LYN: variants seen among roughly 807,000 people sequenced by gnomAD.
LYN encodes tyrosine-protein kinase Lyn.
LYN carries 12 observed loss-of-function variants against 65.0 expected under a neutral mutation model. That is an observed-to-expected ratio of 0.18 (90% CI 0.12 to 0.30). The LOEUF (loss-of-function observed/expected upper bound fraction) is 0.30. Among genes scored for constraint, LYN ranks in the 10% least tolerant of loss-of-function variants. LYN has a pLI of 1.00. For missense variants in LYN, 380 were observed against 623.2 expected, an observed-to-expected ratio of 0.61 and a Z score of 4.16; for synonymous variants, 222 against 221.2, an observed-to-expected ratio of 1.00 and a Z score of -0.03.
chr8:55,988,291 G>GGTGTGTGTGTGTGTGT (rs57413136), intron 10 of LYN, among the ~76,000 whole-genome samples: 80 of 142,184 alleles, frequency 5.6e-4, no homozygotes, highest in Middle Eastern at 3.6e-3. Flanking sequence ...CAAACTCCCT[G>GGTGTGTGTGTGTGTGT]GTGTGTGTGT....
At chr8:55,908,240 T>C (rs1360860034) in intron 1 of LYN, among the ~76,000 whole-genome samples, 1 of 151,032 alleles carries the variant, frequency 6.6e-6, no homozygotes, top group Non-Finnish European at 1.5e-5. Context: ...TATTTATTTA[T>C]TTATTTATTT....
chr8:55,899,294 A>G (rs1192222994), intron 1 of LYN, among the ~76,000 whole-genome samples: 1 of 152,184 alleles, frequency 6.6e-6, no homozygotes, highest in Non-Finnish European at 1.5e-5. Flanking sequence ...GATAATAAAT[A>G]TTATGCTCAC....
chr8:55,979,844 C>G (rs1373961573), intron 10 of LYN, among the ~76,000 whole-genome samples: 1 of 152,236 alleles, frequency 6.6e-6, no homozygotes, highest in South Asian at 2.1e-4. Flanking sequence ...GATGCCACAG[C>G]ATCTCCGGGG....
At chr8:55,989,951 CTGA>C (rs1428379879) in intron 10 of LYN, among the ~76,000 whole-genome samples, 1 of 152,142 alleles carries the variant, frequency 6.6e-6, no homozygotes, top group African/African-American at 2.4e-5. Context: ...CAAAAATTTC[CTGA>C]TTGGCCAGGC....
chr8:55,885,875 AC>A (rs1410152200), intron 1 of LYN, among the ~76,000 whole-genome samples: 1 of 141,918 alleles, frequency 7.0e-6, no homozygotes, highest in Non-Finnish European at 1.5e-5. Context: ...CACCTTCCTT[AC>A]CACCCAATGC....
At chr8:55,974,444 CTCTA>C (rs1807696857) in intron 10 of LYN, among the ~76,000 whole-genome samples, 1 of 152,176 alleles carries the variant, frequency 6.6e-6, no homozygotes, top group African/African-American at 2.4e-5. Flanking sequence ...GGTAGGAAAA[CTCTA>C]TCTAGGAAGT....
intron 1 of LYN, among the ~76,000 whole-genome samples, chr8:55,912,100 A>T (rs1279676553): frequency 6.6e-6 from 1 of 152,164 alleles, no homozygotes; most frequent in Non-Finnish European, 1.5e-5. Flanking sequence ...GGGGCAAGCT[A>T]CCTTAGAGAT....
chr8:55,967,655 C>G (rs749583582), intron 9 of LYN, among the ~76,000 whole-genome samples: 2 of 152,118 alleles, frequency 1.3e-5, no homozygotes, highest in Admixed American at 1.3e-4. Flanking sequence ...TCCTTTTCAG[C>G]ATTATCTAAG....
chr8:55,932,922 T>C (rs1001633353), intron 1 of LYN, among the ~76,000 whole-genome samples: 3 of 152,018 alleles, frequency 2.0e-5, no homozygotes, highest in African/African-American at 7.2e-5. Context: ...TGAATACATA[T>C]GGATGTAAAG....
intron 8 of LYN, among the ~76,000 whole-genome samples, chr8:55,963,402 CA>C (rs1322035938): frequency 6.6e-6 from 1 of 152,194 alleles, no homozygotes; most frequent in Non-Finnish European, 1.5e-5. Flanking sequence ...GGCCCCAAGG[CA>C]GCACAGGCAG....
Position 55,977,437 on chromosome 8 carries a change from C to T in LYN, c.1050+7644C>T, listed in dbSNP as rs117593092. On this transcript the variant is annotated intron_variant, in intron 10 of 12. Transcript: ENST00000519728. ...TTACCTCTGTTCTCCCCCAACACACCAGGGTGTTCTTTATAGAAATTGGTC... is the reference window on the plus strand; with the variant it reads ...TTACCTCTGTTCTCCCCCAACACACTAGGGTGTTCTTTATAGAAATTGGTC... Among the ~76,000 whole-genome samples the T allele has an allele frequency of 9.7e-4, 147 of 152,280 alleles. No homozygotes were observed. In the East Asian group the frequency reaches 0.02, roughly 21 times the overall value.
chr8:55,912,643 C>T (rs1805669396), intron 1 of LYN, among the ~76,000 whole-genome samples: 1 of 151,004 alleles, frequency 6.6e-6, no homozygotes, highest in Non-Finnish European at 1.5e-5. Flanking sequence ...AGGAGACTCT[C>T]TTGAACCTGG....
chr8:55,938,956 T>C (rs1034524401), intron 1 of LYN, among the ~76,000 whole-genome samples: 5 of 152,236 alleles, frequency 3.3e-5, no homozygotes, highest in African/African-American at 1.2e-4. Flanking sequence ...GTATGGTTTC[T>C]TCAAGGATTA....
At chr8:55,930,642 G>A (rs1288322890) in intron 1 of LYN, among the ~76,000 whole-genome samples, 2 of 152,196 alleles carry the variant, frequency 1.3e-5, no homozygotes, top group Admixed American at 1.3e-4. Flanking sequence ...TTTCAGCAAT[G>A]CCCTGTTGTC....
intron 6 of LYN, 25 bp from the exon 7 acceptor site, chr8:55,951,941 T>A (rs375540124): frequency 1.8e-4 from 295 of 1,601,710 alleles, no homozygotes; most frequent in Non-Finnish European, 2.4e-4. Flanking sequence ...GATATAAACA[T>A]TTACTTACAC....
intron 1 of LYN, chr8:55,895,567 A>C (rs560193403): frequency 3.3e-5 from 5 of 152,238 alleles, no homozygotes; most frequent in African/African-American, 1.2e-4. Flanking sequence ...AGGCAGGAGG[A>C]TCACTTGAGG....
At chr8:55,887,181 G>A (rs929186585) in intron 1 of LYN, among the ~76,000 whole-genome samples, 3 of 152,178 alleles carry the variant, frequency 2.0e-5, no homozygotes, top group Non-Finnish European at 2.9e-5. Context: ...GCGGCCAGGC[G>A]CAGTGGCCCT....
intron 10 of LYN, among the ~76,000 whole-genome samples, chr8:55,979,350 GT>G (rs1341961652): frequency 6.6e-6 from 1 of 151,942 alleles, no homozygotes; most frequent in Admixed American, 6.6e-5. Context: ...CCTCATTCTT[GT>G]TTTTTAAAGT....
At chr8:55,940,704 A>G (rs921046094) in intron 1 of LYN, among the ~76,000 whole-genome samples, 1 of 152,096 alleles carries the variant, frequency 6.6e-6, no homozygotes, top group Admixed American at 6.5e-5. Context: ...ATTTGACCCA[A>G]TACTGTAAGA....
Sources: gnomAD v4.1 joint callset for allele counts (sites outside exome capture counted in the v4.1 genomes callset) on GRCh38, gnomAD v4.1.1 for gene constraint, MANE v1.5 for transcripts, NCBI Gene and HGNC (gene_info 2026-07-23, HGNC 2026-07-21) for gene names.